ATG4C: variants seen among roughly 807,000 people sequenced by gnomAD.
ATG4C encodes autophagy related 4C cysteine peptidase, also known as cysteine protease ATG4C.
In ATG4C, 56 loss-of-function variants were observed where a neutral mutation model predicts 57.6. That is an observed-to-expected ratio of 0.97 (90% CI 0.78 to 1.21). ATG4C has a LOEUF of 1.21. Ranked by LOEUF, ATG4C falls within the 50% of genes most tolerant of loss-of-function variation. The probability of loss-of-function intolerance (pLI) is 0.00; values close to 1 mark genes in which losing one functional copy is unlikely to be tolerated. For synonymous variants in ATG4C, 157 were observed against 174.1 expected, an observed-to-expected ratio of 0.90 and a Z score of 0.78; for missense variants, 595 against 529.8, an observed-to-expected ratio of 1.12 and a Z score of -1.21.
intron 10 of ATG4C, among the ~76,000 whole-genome samples, chr1:62,860,206 C>T (rs1040022167): frequency 1.3e-5 from 2 of 152,178 alleles, no homozygotes; most frequent in East Asian, 3.8e-4. Context: ...AACACACATG[C>T]AGCTGTCATC....
At chr1:62,825,847 T>A (rs886334703) in intron 6 of ATG4C, among the ~76,000 whole-genome samples, 1 of 152,156 alleles carries the variant, frequency 6.6e-6, no homozygotes, top group Non-Finnish European at 1.5e-5. Context: ...TGTGACTCAA[T>A]TTTTTCTCTC....
intron 9 of ATG4C, among the ~76,000 whole-genome samples, chr1:62,840,682 A>G (rs1351459353): frequency 6.6e-6 from 1 of 152,194 alleles, no homozygotes; most frequent in Non-Finnish European, 1.5e-5. Context: ...AAACTCTACT[A>G]ACAGCCAAAT....
At chr1:62,802,223 A>G (rs900474028) in intron 1 of ATG4C, among the ~76,000 whole-genome samples, 2 of 151,918 alleles carry the variant, frequency 1.3e-5, no homozygotes, top group Non-Finnish European at 2.9e-5. Flanking sequence ...TGAATTTTCT[A>G]CATGTTTCCT....
chr1:62,847,571 C>G (rs1192990687), intron 10 of ATG4C, among the ~76,000 whole-genome samples: 2 of 152,052 alleles, frequency 1.3e-5, no homozygotes, highest in Non-Finnish European at 2.9e-5. Flanking sequence ...GAAACCTGCC[C>G]TATTTAAATC....
chr1:62,840,445 T>C (rs1263886646), intron 9 of ATG4C, among the ~76,000 whole-genome samples: 1 of 152,224 alleles, frequency 6.6e-6, no homozygotes, highest in Non-Finnish European at 1.5e-5. Context: ...AGTTTATTTA[T>C]ATAAATATGA....
chr1:62,813,384 A>G (rs1665154812), intron 3 of ATG4C, among the ~76,000 whole-genome samples: 1 of 152,160 alleles, frequency 6.6e-6, no homozygotes, highest in South Asian at 2.1e-4. Flanking sequence ...TGCTGGGAAA[A>G]CTGGCTAGCC....
In ATG4C at chr1:62,864,649, T is replaced by C. The variant is rs1666953417; in HGVS notation, c.*490T>C. On this transcript the variant is annotated 3_prime_UTR_variant, in exon 11 of 11. Coordinates refer to ENST00000317868, the MANE Select transcript of ATG4C (RefSeq NM_032852.4). ...ATATGTCTTGATAATTAAATAGTATTTGTTAACTGTGATATGCATACACTT... is the reference window on the plus strand; with the variant it reads ...ATATGTCTTGATAATTAAATAGTATCTGTTAACTGTGATATGCATACACTT... 1 of 154,170 alleles carries C rather than the reference T, an allele frequency of 6.5e-6. No individual in the cohort carries two copies. Among genetic ancestry groups the C allele is most frequent in the South Asian group, 2.0e-4 (1 of 4,908 alleles). The allele number at this position is 154,170 out of a possible 1,614,324, so 9.6% of individuals were successfully genotyped here. A position where few individuals can be genotyped will look rare whatever the true frequency, so the allele number is the denominator to read the frequency against.
intron 6 of ATG4C, among the ~76,000 whole-genome samples, chr1:62,821,748 G>A (rs1665489934): frequency 6.6e-6 from 1 of 151,978 alleles, no homozygotes; most frequent in African/African-American, 2.4e-5. Flanking sequence ...TGTATTTTTT[G>A]GACCTTTCAA....
intron 1 of ATG4C, among the ~76,000 whole-genome samples, chr1:62,799,728 G>T (rs534922325): frequency 1.3e-4 from 20 of 152,130 alleles, no homozygotes; most frequent in African/African-American, 4.8e-4. Flanking sequence ...GAAAAATGGG[G>T]TATCCATTCC....
At chr1:62,799,536 C>T (rs1336360815) in intron 1 of ATG4C, among the ~76,000 whole-genome samples, 2 of 152,160 alleles carry the variant, frequency 1.3e-5, no homozygotes, top group African/African-American at 4.8e-5. Context: ...GAAATAACAA[C>T]TCAACAATTT....
intron 1 of ATG4C, among the ~76,000 whole-genome samples, chr1:62,800,097 G>A (rs1664608772): frequency 6.6e-6 from 1 of 151,948 alleles, no homozygotes; most frequent in Non-Finnish European, 1.5e-5. Context: ...CCAGATTAAG[G>A]CATCTTGGTT....
At chr1:62,789,323 A>G (rs1373685294) in intron 1 of ATG4C, among the ~76,000 whole-genome samples, 3 of 152,138 alleles carry the variant, frequency 2.0e-5, no homozygotes. Flanking sequence ...AATTATCTCA[A>G]ATCTGGTCAG....
chr1:62,816,580 G>T lies in ATG4C; in HGVS notation c.166G>T (p.Asp56Tyr), dbSNP rs188184699. The change falls in exon 4 of 11, where the codon GAT (aspartate) becomes TAT (tyrosine). Residue 56 changes from aspartate to tyrosine, a missense_variant. Physicochemically the swap from Asp to Tyr is radical, Grantham distance 160. Transcript: ENST00000317868. ...KCYHFKYEDEDKTLPAESGCT... is the reference protein window; with the variant it reads ...KCYHFKYEDEYKTLPAESGCT... ...ACCGTATGTTTATTTTTTAGATGAA[G>T]ATAAAACGTTACCTGCAGAGTCGGG... The T allele has an allele frequency of 6.9e-6, 11 of 1,603,414 alleles. No homozygotes were observed. The East Asian group carries it at 1.3e-4, about 20-fold the overall frequency.
At chr1:62,836,197 A>G (rs1456829785) in intron 9 of ATG4C, among the ~76,000 whole-genome samples, 2 of 152,098 alleles carry the variant, frequency 1.3e-5, no homozygotes, top group Non-Finnish European at 2.9e-5. Flanking sequence ...AGACTGTTGC[A>G]ACACTCCAAG....
chr1:62,806,998 G>T (rs1173835469), intron 3 of ATG4C, among the ~76,000 whole-genome samples: 1 of 152,186 alleles, frequency 6.6e-6, no homozygotes. Flanking sequence ...GGGGTACCCA[G>T]CTGGCTTCTT....
chr1:62,845,531 T>G (rs1419733820), intron 10 of ATG4C, among the ~76,000 whole-genome samples: 1 of 152,168 alleles, frequency 6.6e-6, no homozygotes, highest in Non-Finnish European at 1.5e-5. Flanking sequence ...CTATTTTTAC[T>G]TGTTAATTGT....
intron 7 of ATG4C, among the ~76,000 whole-genome samples, chr1:62,831,751 A>C (rs1665849329): frequency 6.6e-6 from 1 of 152,216 alleles, no homozygotes; most frequent in South Asian, 2.1e-4. Context: ...GTTTCAATCC[A>C]AAGATACAGC....
At position 62,852,401 on chromosome 1, in the gene ATG4C, A is replaced by G. The variant is rs148361597; in HGVS notation, c.1209+10854A>G. Among the ~76,000 whole-genome samples, 346 of 151,982 alleles carry G rather than the reference A, an allele frequency of 2.3e-3. 2 individuals are homozygous for G. Among genetic ancestry groups the G allele is most frequent in the African/African-American group, 8.2e-3 (337 of 41,250 alleles). On this transcript the variant is annotated intron_variant, in intron 10 of 10. Transcript: ENST00000317868. ...TCTTCATGAACATTATAATCACACA[A>G]TGTTGAACAAAATGACATTATTTGG...
In ATG4C at chr1:62,803,839, CT is replaced by C. The variant is rs1325250585; in HGVS notation, c.54del (p.Ala19LeufsTer5). On this transcript the variant is annotated frameshift_variant, in exon 2 of 11. Coordinates refer to ENST00000317868, the MANE Select transcript of ATG4C (RefSeq NM_032852.4). LOFTEE classifies it high-confidence loss of function. ...GACAAGCTAAAAACCAAATTTATAT[CT>C]GCTTGGAACAACATGAAATATAGTA... ...EVDKLKTKFISAWNNMKYSWV... is the reference protein window; with the variant it reads ...EVDKLKTKFIXAWNNMKYSWV... 17 of 1,596,682 alleles carry C rather than the reference CT, an allele frequency of 1.1e-5. No individual in the cohort carries two copies. Among genetic ancestry groups the C allele is most frequent in the Non-Finnish European group, 1.5e-5 (17 of 1,168,822 alleles).
Sources: gnomAD v4.1 joint callset for allele counts (sites outside exome capture counted in the v4.1 genomes callset) on GRCh38, gnomAD v4.1.1 for gene constraint, MANE v1.5 for transcripts, NCBI Gene and HGNC (gene_info 2026-07-23, HGNC 2026-07-21) for gene names.